Variants in TLL1 observed in about 807,000 individuals in gnomAD.
TLL1 encodes tolloid-like protein 1.
In TLL1, 49 loss-of-function variants were observed where a neutral mutation model predicts 128.2. The ratio of observed to expected loss-of-function variants is 0.38; its 90% CI spans 0.30 to 0.48. TLL1 has a LOEUF of 0.48. TLL1 is among the 20% of genes least tolerant of loss of function. TLL1 has a pLI of 0.96. For synonymous variants in TLL1, 454 were observed against 418.8 expected, an observed-to-expected ratio of 1.08 and a Z score of -1.03; for missense variants, 1,123 against 1,242.0, an observed-to-expected ratio of 0.90 and a Z score of 1.44.
chr4:166,025,396 T>A lies in TLL1; in HGVS notation c.1123T>A (p.Cys375Ser). The change falls in exon 9 of 21, where the codon TGC becomes AGC. Residue 375 changes from cysteine (C) to serine (S), a missense_variant. Physicochemically the swap from Cys to Ser is moderately radical, Grantham distance 112. This residue lies in a region of TLL1 where 480 missense variants were observed against 542.4 expected (regional missense o/e 0.89). Coordinates refer to ENST00000061240, the MANE Select transcript of TLL1 (RefSeq NM_012464.5). ...CAATGGCTACCCTTCTTACACACACTGCATCTGGAGAGTTTCTGTGACCCC... is the reference window on the plus strand; with the variant it reads ...CAATGGCTACCCTTCTTACACACACAGCATCTGGAGAGTTTCTGTGACCCC... ...FPNGYPSYTH[C>S]IWRVSVTPGE... 6.2e-7 allele frequency: 1 copy of A among 1,613,908 alleles called. No individual in the cohort carries two copies. Among genetic ancestry groups the A allele is most frequent in the Non-Finnish European group, 8.5e-7 (1 of 1,179,834 alleles).
intron 6 of TLL1, among the ~76,000 whole-genome samples, chr4:166,006,087 G>A (rs1408391781): frequency 6.6e-6 from 1 of 151,762 alleles, no homozygotes; most frequent in East Asian, 1.9e-4. Context: ...AGAAACTTAA[G>A]ATCAAGTCTT....
At chr4:166,093,791 A>G (rs1452431017) in intron 19 of TLL1, among the ~76,000 whole-genome samples, 3 of 152,136 alleles carry the variant, frequency 2.0e-5, no homozygotes, top group Non-Finnish European at 2.9e-5. Flanking sequence ...CCCCTGGTTT[A>G]TCGAGACTAG....
chr4:166,054,921 G>A (rs1579681316), intron 12 of TLL1, among the ~76,000 whole-genome samples, 155 bp from the exon 13 acceptor site: 1 of 151,992 alleles, frequency 6.6e-6, no homozygotes, highest in Non-Finnish European at 1.5e-5. Flanking sequence ...GGATATTACA[G>A]TGTACGTTCA....
chr4:165,894,619 G>A (rs1731583648), intron 1 of TLL1, among the ~76,000 whole-genome samples: 3 of 152,106 alleles, frequency 2.0e-5, no homozygotes, highest in South Asian at 2.1e-4. Context: ...TAATGTAGAC[G>A]TTAAATAGAT....
At chr4:166,020,076 A>G (rs1000355061) in intron 8 of TLL1, among the ~76,000 whole-genome samples, 4 of 152,142 alleles carry the variant, frequency 2.6e-5, no homozygotes, top group African/African-American at 9.7e-5. Context: ...TTAAGAAAGA[A>G]TATGATCCCT....
At chr4:166,005,713 C>G (rs1359488481) in intron 6 of TLL1, among the ~76,000 whole-genome samples, 1 of 151,420 alleles carries the variant, frequency 6.6e-6, no homozygotes, top group Non-Finnish European at 1.5e-5. Flanking sequence ...TTTGCTGTTA[C>G]CAAGAATTAT....
At chr4:166,060,290 C>T in intron 15 of TLL1, 102 bp downstream of exon 15, 1 of 1,272,942 alleles carries the variant, frequency 7.9e-7, no homozygotes, top group Admixed American at 2.0e-5. Context: ...ATAGTATAGA[C>T]ATTGTATTCT....
intron 1 of TLL1, among the ~76,000 whole-genome samples, chr4:165,897,079 C>G (rs901253686): frequency 6.6e-6 from 1 of 151,960 alleles, no homozygotes; most frequent in Non-Finnish European, 1.5e-5. Flanking sequence ...CCTTCACCCA[C>G]TTCTTGATTT....
chr4:165,906,238 G>A (rs1732248644), intron 1 of TLL1, among the ~76,000 whole-genome samples: 1 of 152,156 alleles, frequency 6.6e-6, no homozygotes, highest in African/African-American at 2.4e-5. Flanking sequence ...GAAAATGCAT[G>A]TTAACCTCTT....
chr4:165,881,293 T>C lies in TLL1; in HGVS notation c.169+7220T>C, dbSNP rs571434652. 1.0e-3 allele frequency among the ~76,000 whole-genome samples: 159 copies of C among 152,292 alleles called. 1 individual carries two copies. The highest frequency in any genetic ancestry group is 3.6e-3 in the African/African-American group (151 of 41,562). ...TTCATGGCTCACATCATAACATAGT[T>C]TACATTTTTGCATTAAAAAATCTAG... On this transcript the variant is annotated intron_variant, in intron 1 of 20. Coordinates refer to ENST00000061240, the MANE Select transcript of TLL1 (RefSeq NM_012464.5).
intron 12 of TLL1, among the ~76,000 whole-genome samples, chr4:166,050,872 C>T (rs1226946116): frequency 6.6e-6 from 1 of 152,176 alleles, no homozygotes; most frequent in East Asian, 1.9e-4. Flanking sequence ...AAGATATGAA[C>T]CCTCAGTAGT....
chr4:166,077,286 T>C (rs1052912404), intron 17 of TLL1, among the ~76,000 whole-genome samples: 1 of 151,920 alleles, frequency 6.6e-6, no homozygotes, highest in African/African-American at 2.4e-5. Flanking sequence ...TCCTTTGAAG[T>C]TGGTTCAGAA....
intron 7 of TLL1, among the ~76,000 whole-genome samples, chr4:166,010,149 T>A (rs1170717363): frequency 4.0e-5 from 6 of 151,466 alleles, no homozygotes; most frequent in African/African-American, 1.4e-4. Context: ...CATGTGAAAG[T>A]ATTTTCTCAC....
chr4:165,882,515 G>T (rs1731006173), intron 1 of TLL1, among the ~76,000 whole-genome samples: 1 of 152,116 alleles, frequency 6.6e-6, no homozygotes, highest in African/African-American at 2.4e-5. Flanking sequence ...CCTGAATGCA[G>T]TGTAGCTGGC....
chr4:166,043,303 GA>G lies in TLL1; in HGVS notation c.1410del (p.Gly471AspfsTer15). 6.2e-7 allele frequency: 1 copy of G among 1,614,120 alleles called. No individual in the cohort carries two copies. The highest frequency in any genetic ancestry group is 1.3e-5 in the African/African-American group (1 of 75,046). Reference protein sequence around the residue: ...AICGGEIRKNEGQIQSPNYPD... With the variant: ...AICGGEIRKNXGQIQSPNYPD... ...CTGTGGAGGTGAGATACGTAAAAAT[GA>G]AGGACAGATTCAGTCTCCCAATTAT... On this transcript the variant is annotated frameshift_variant, in exon 12 of 21. Coordinates refer to ENST00000061240, the MANE Select transcript of TLL1 (RefSeq NM_012464.5). LOFTEE classifies it high-confidence loss of function.
intron 1 of TLL1, chr4:165,875,159 G>C (rs985836161): frequency 6.6e-6 from 1 of 152,370 alleles, no homozygotes; most frequent in South Asian, 2.1e-4. Context: ...TTAGCGAAGC[G>C]CAGAGGAAGG....
At chr4:165,951,000 A>T (rs1734485748) in intron 1 of TLL1, among the ~76,000 whole-genome samples, 1 of 152,132 alleles carries the variant, frequency 6.6e-6, no homozygotes, top group Non-Finnish European at 1.5e-5. Context: ...AATAACATTG[A>T]TAAAGTTCTA....
At chr4:166,070,058 A>G (rs1339787471) in intron 16 of TLL1, among the ~76,000 whole-genome samples, 2 of 151,868 alleles carry the variant, frequency 1.3e-5, no homozygotes, top group African/African-American at 4.8e-5. Context: ...GACATTTTCT[A>G]GAAGATATAT....
At chr4:165,992,136 C>A (rs1024431689) in intron 2 of TLL1, among the ~76,000 whole-genome samples, 2 of 151,974 alleles carry the variant, frequency 1.3e-5, no homozygotes, top group African/African-American at 4.8e-5. Flanking sequence ...TTTTGCACTA[C>A]AGACTTTTTT....
Sources: allele counts gnomAD v4.1 joint callset (sites outside exome capture counted in the v4.1 genomes callset), GRCh38; gene constraint gnomAD v4.1.1; regional missense constraint gnomAD v4.1.1; transcripts MANE v1.5; gene names NCBI Gene and HGNC (gene_info 2026-07-23, HGNC 2026-07-21).